TXNRD2: variants seen among roughly 807,000 people sequenced by gnomAD.
TXNRD2 encodes thioredoxin reductase 2, mitochondrial.
In TXNRD2, 67 loss-of-function variants were observed where a neutral mutation model predicts 70.8. That is an observed-to-expected ratio of 0.95 (90% CI 0.78 to 1.16). The LOEUF (loss-of-function observed/expected upper bound fraction) is 1.16, where lower values mean the gene tolerates loss of function less well. TXNRD2 is among the 50% of genes most tolerant of loss of function. The pLI is 0.00. For missense variants in TXNRD2, 644 were observed against 719.9 expected (o/e 0.89, Z 1.21); for synonymous variants, 301 against 295.8 (o/e 1.02, Z -0.18).
At chr22:19,878,773 C>T (rs1273461530) in intron 14 of TXNRD2, among the ~76,000 whole-genome samples, 1 of 152,244 alleles carries the variant, frequency 6.6e-6, no homozygotes, top group African/African-American at 2.4e-5. Flanking sequence ...GGACGTAGCT[C>T]ACCCACAACA....
At chr22:19,932,432 C>G in intron 1 of TXNRD2, 1 of 1,612,096 alleles carries the variant, frequency 6.2e-7, no homozygotes, top group South Asian at 1.1e-5. Context: ...GTCATCGTGT[C>G]TACTCTGCAA....
intron 11 of TXNRD2, among the ~76,000 whole-genome samples, chr22:19,889,567 G>A (rs1375998656): frequency 3.3e-5 from 5 of 152,068 alleles, no homozygotes; most frequent in South Asian, 4.1e-4. Flanking sequence ...GCCAGATCGC[G>A]CTCCTGCACT....
chr22:19,923,140 A>G (rs1334926138), intron 2 of TXNRD2, among the ~76,000 whole-genome samples: 3 of 152,212 alleles, frequency 2.0e-5, no homozygotes, highest in African/African-American at 7.2e-5. Context: ...AACTCTCCCA[A>G]TATAAAATTT....
intron 8 of TXNRD2, among the ~76,000 whole-genome samples, chr22:19,904,510 C>T (rs1052723627): frequency 6.6e-6 from 1 of 152,182 alleles, no homozygotes; most frequent in Non-Finnish European, 1.5e-5. Flanking sequence ...AGTGGCCTCT[C>T]TGGGGCAAAA....
chr22:19,917,522 T>A (rs1480583545), intron 5 of TXNRD2, among the ~76,000 whole-genome samples: 1 of 151,996 alleles, frequency 6.6e-6, no homozygotes, highest in Non-Finnish European at 1.5e-5. Flanking sequence ...GGGACCACTG[T>A]CCCCTCCACA....
intron 5 of TXNRD2, chr22:19,916,238 G>A (rs1940633202): frequency 3.5e-6 from 1 of 285,884 alleles, no homozygotes; most frequent in Non-Finnish European, 6.8e-6. Context: ...CTGATTTCAG[G>A]GGTGTGGTAA....
At chr22:19,941,622 C>T (rs1941718415) in intron 1 of TXNRD2, 79 bp downstream of exon 1, 1 of 1,363,562 alleles carries the variant, frequency 7.3e-7, no homozygotes, top group Non-Finnish European at 9.4e-7. Context: ...ACACCCTGGC[C>T]ACCGCCGCGC....
At chr22:19,936,644 C>A (rs1315613211) in intron 1 of TXNRD2, among the ~76,000 whole-genome samples, 1 of 152,174 alleles carries the variant, frequency 6.6e-6, no homozygotes, top group African/African-American at 2.4e-5. Flanking sequence ...TCTCTGTACC[C>A]TTCTTCATGC....
chr22:19,905,204 A>T (rs996045869), intron 8 of TXNRD2, among the ~76,000 whole-genome samples: 15 of 152,208 alleles, frequency 9.9e-5, no homozygotes, highest in Admixed American at 2.6e-4. Flanking sequence ...CTTAATTTTT[A>T]AAAAAACCAT....
In TXNRD2 at chr22:19,900,080, C is replaced by T. The variant is rs1012638457; in HGVS notation, c.663-1012G>A. 6.6e-5 allele frequency among the ~76,000 whole-genome samples: 10 copies of T among 152,244 alleles called. No homozygotes were observed. The East Asian group carries it at 7.7e-4, about 12-fold the overall frequency. On this transcript the variant is annotated intron_variant, in intron 8 of 17. Transcript: ENST00000400521. ...TTGGAATCATTCTGCAGGTGCCCTG[C>T]GGGAAGCATCTGGCATGCAGCTTCC...
chr22:19,935,711 C>T lies in TXNRD2; in HGVS notation c.104-4613G>A, dbSNP rs150747931. On this transcript the variant is annotated intron_variant, in intron 1 of 17. Transcript: ENST00000400521. ...GTACTCTTTCTCTTCATTTCTCAGC[C>T]GGCTGACACTTACAGAAAATAGAAA... 1.6e-3 allele frequency among the ~76,000 whole-genome samples: 243 copies of T among 152,298 alleles called. 1 individual carries two copies. Among genetic ancestry groups the T allele is most frequent in the African/African-American group, 5.5e-3 (227 of 41,550 alleles).
At chr22:19,898,500 C>T (rs945633660) in intron 9 of TXNRD2, among the ~76,000 whole-genome samples, 1 of 139,352 alleles carries the variant, frequency 7.2e-6, no homozygotes, top group Non-Finnish European at 1.5e-5. Context: ...TCTCAGCCAG[C>T]GGCTTGGGGC....
intron 1 of TXNRD2, among the ~76,000 whole-genome samples, chr22:19,936,282 T>G (rs1476058479): frequency 6.6e-6 from 1 of 152,050 alleles, no homozygotes; most frequent in African/African-American, 2.4e-5. Flanking sequence ...CCTCTCCCAC[T>G]CGGCCTTCAT....
intron 9 of TXNRD2, among the ~76,000 whole-genome samples, chr22:19,898,471 TGCTTTCTTCCACCTGTGCTCTCA>T (rs1939619922): frequency 6.6e-6 from 1 of 151,004 alleles, no homozygotes; most frequent in Non-Finnish European, 1.5e-5. Flanking sequence ...GCCAGGCAGC[TGCTTTCTTCCACCTGTGCTCTCA>T]GCCAGCGGCT....
intron 12 of TXNRD2, among the ~76,000 whole-genome samples, chr22:19,881,701 T>G (rs1224885164): frequency 6.6e-6 from 1 of 152,194 alleles, no homozygotes; most frequent in Non-Finnish European, 1.5e-5. Context: ...TGCACAGAGA[T>G]GCACATGGCA....
intron 5 of TXNRD2, among the ~76,000 whole-genome samples, chr22:19,917,684 G>A (rs1036010098): frequency 2.0e-5 from 3 of 152,178 alleles, no homozygotes; most frequent in Non-Finnish European, 2.9e-5. Context: ...ACCAAGTAGG[G>A]ACATTTGCTC....
At chr22:19,885,460 G>A (rs1938984026) in intron 11 of TXNRD2, among the ~76,000 whole-genome samples, 1 of 142,550 alleles carries the variant, frequency 7.0e-6, no homozygotes, top group Non-Finnish European at 1.6e-5. Context: ...CTTGCGGGAG[G>A]CCGGCTCCAG....
intron 6 of TXNRD2, 45 bp from the exon 7 acceptor site, chr22:19,915,321 G>C (rs1378081548): frequency 6.3e-7 from 1 of 1,592,150 alleles, no homozygotes; most frequent in Non-Finnish European, 8.6e-7. Flanking sequence ...GGTGCATGGT[G>C]ATCACCCCAC....
intron 7 of TXNRD2, 35 bp downstream of exon 7, chr22:19,915,179 C>A (rs372889820): frequency 1.2e-6 from 2 of 1,608,478 alleles, no homozygotes; most frequent in African/African-American, 2.7e-5. Flanking sequence ...GAATGGGCCA[C>A]GGCAGCAGGG....
Sources: gnomAD v4.1 joint callset for allele counts (sites outside exome capture counted in the v4.1 genomes callset) on GRCh38, gnomAD v4.1.1 for gene constraint, MANE v1.5 for transcripts, NCBI Gene and HGNC (gene_info 2026-07-23, HGNC 2026-07-21) for gene names.